Variants in SLC4A4 observed in about 807,000 individuals in gnomAD.
The protein encoded by SLC4A4 is solute carrier family 4 member 4.
SLC4A4 carries 27 observed loss-of-function variants against 111.5 expected under a neutral mutation model. The observed-to-expected ratio is 0.24, with a 90% CI of 0.18 to 0.33. SLC4A4 has a LOEUF of 0.33. SLC4A4 is among the 10% of genes least tolerant of loss of function. The pLI is 1.00. For missense variants in SLC4A4, 909 were observed against 1,315.5 expected (o/e 0.69, Z 4.78); for synonymous variants, 443 against 463.4 (o/e 0.96, Z 0.57).
chr4:71,547,822 C>A, intron 20 of SLC4A4, 102 bp downstream of exon 20: 2 of 1,002,472 alleles, frequency 2.0e-6, no homozygotes, highest in Non-Finnish European at 3.2e-6. Flanking sequence ...AGATTCTCAT[C>A]AGTTCTGTAA....
At chr4:71,142,332 G>A (rs746518382) in intron 2 of SLC4A4, among the ~76,000 whole-genome samples, 4 of 152,152 alleles carry the variant, frequency 2.6e-5, no homozygotes, top group Non-Finnish European at 4.4e-5. Flanking sequence ...AGAGTGGGAA[G>A]CAATGCAGCT....
intron 8 of SLC4A4, among the ~76,000 whole-genome samples, chr4:71,443,116 CTATATATATATATATA>C (rs1168996571): frequency 4.6e-5 from 3 of 65,658 alleles, no homozygotes; most frequent in African/African-American, 2.6e-4. Context: ...CTCTCTCTCT[CTATATATATATATATA>C]TATATATATA....
At chr4:71,369,809 G>C (rs1731686741) in intron 6 of SLC4A4, among the ~76,000 whole-genome samples, 1 of 152,130 alleles carries the variant, frequency 6.6e-6, no homozygotes. Context: ...TTTTAAAGTA[G>C]AGTATTAAGA....
chr4:71,148,417 G>A (rs1744235075), intron 2 of SLC4A4, among the ~76,000 whole-genome samples: 1 of 152,086 alleles, frequency 6.6e-6, no homozygotes, highest in South Asian at 2.1e-4. Context: ...TAACTTTTAA[G>A]TTGGGGTACA....
chr4:71,232,058 G>T (rs1049427799), intron 1 of SLC4A4, among the ~76,000 whole-genome samples: 2 of 152,170 alleles, frequency 1.3e-5, no homozygotes, highest in Non-Finnish European at 2.9e-5. Flanking sequence ...AGGAGTGAGG[G>T]CTGCTCTGGA....
At chr4:71,336,782 C>T (rs1728465564) in intron 3 of SLC4A4, among the ~76,000 whole-genome samples, 1 of 152,230 alleles carries the variant, frequency 6.6e-6, no homozygotes, top group Non-Finnish European at 1.5e-5. Context: ...AATTCACCTT[C>T]ACTAAGTTCC....
chr4:71,236,349 TGG>T lies in SLC4A4; in HGVS notation c.-1-225_-1-224del, dbSNP rs561690532. 2.1e-4 allele frequency: 195 copies of T among 928,346 alleles called. 2 individuals carry two copies. The Admixed American group carries it at 5.6e-3, about 27-fold the overall frequency. 57.5% of individuals were successfully genotyped at this position (928,346 alleles called of 1,614,324 possible). A position where few individuals can be genotyped will look rare whatever the true frequency, so the allele number is the denominator to read the frequency against. ...GATTATTTTCTCTTACCTGTCTATG[TGG>T]GTGCCCTCTCAAGGTTAGAACTGAA... is the stretch of plus-strand genomic sequence containing the variant. On this transcript the variant is annotated intron_variant, in intron 1 of 25. Coordinates refer to ENST00000264485, the MANE Select transcript of SLC4A4 (RefSeq NM_001098484.3).
At chr4:71,437,192 T>C in intron 7 of SLC4A4, 1 of 422,060 alleles carries the variant, frequency 2.4e-6, no homozygotes, top group South Asian at 2.0e-5. Context: ...ACAGGAATAC[T>C]TGAGTCCCTA....
At chr4:71,122,262 G>A (rs1400538330) in intron 2 of SLC4A4, among the ~76,000 whole-genome samples, 3 of 146,118 alleles carry the variant, frequency 2.1e-5, no homozygotes, top group Non-Finnish European at 4.4e-5. Context: ...GCAGTGAGCC[G>A]AGATCACGCC....
chr4:71,088,724 A>C (rs1291396809), intron 1 of SLC4A4, among the ~76,000 whole-genome samples: 2 of 152,024 alleles, frequency 1.3e-5, no homozygotes, highest in Admixed American at 6.6e-5. Context: ...AGAATGTTGA[A>C]TATTGGCCCC....
chr4:71,530,458 G>A (rs550384529), intron 16 of SLC4A4, among the ~76,000 whole-genome samples: 1 of 152,168 alleles, frequency 6.6e-6, no homozygotes, highest in Admixed American at 6.6e-5. Flanking sequence ...TCCAATAGTG[G>A]TTGTGCTCCC....
chr4:71,322,126 A>T (rs1727161827), intron 3 of SLC4A4, among the ~76,000 whole-genome samples: 3 of 151,990 alleles, frequency 2.0e-5, no homozygotes, highest in Admixed American at 6.6e-5. Flanking sequence ...GCGTTAATAC[A>T]TCTGTGGGGA....
intron 2 of SLC4A4, among the ~76,000 whole-genome samples, chr4:71,241,189 G>C (rs1720189433): frequency 6.6e-6 from 1 of 152,080 alleles, no homozygotes; most frequent in East Asian, 1.9e-4. Flanking sequence ...CTAATGAAAT[G>C]ATATAGCCTC....
At chr4:71,483,567 C>T (rs140654923) in intron 14 of SLC4A4, among the ~76,000 whole-genome samples, 1 of 152,088 alleles carries the variant, frequency 6.6e-6, no homozygotes, top group Non-Finnish European at 1.5e-5. Context: ...TTTATCCAGC[C>T]TATCATTGAT....
rs1728026282 is a variant in SLC4A4, at chr4:71,331,866, A to G, written c.254-7504A>G. ...GGCTTTAATCTAATTACTTGTTGTTAGTCTATTCAGGTTTTGAGTCTTTTC... is the reference window on the plus strand; with the variant it reads ...GGCTTTAATCTAATTACTTGTTGTTGGTCTATTCAGGTTTTGAGTCTTTTC... On this transcript the variant is annotated intron_variant, in intron 3 of 25. Transcript: ENST00000264485. Among the ~76,000 whole-genome samples, 6 of 151,974 alleles carry G rather than the reference A, an allele frequency of 3.9e-5. No individual in the cohort carries two copies. In the South Asian group the frequency reaches 1.2e-3, roughly 31 times the overall value.
At chr4:71,159,332 C>G (rs1004678911) in intron 2 of SLC4A4, among the ~76,000 whole-genome samples, 2 of 152,066 alleles carry the variant, frequency 1.3e-5, no homozygotes, top group East Asian at 3.8e-4. Flanking sequence ...TTCTATCTCT[C>G]TCTTTCTCTT....
chr4:71,193,252 C>G (rs1156792810), intron 1 of SLC4A4, among the ~76,000 whole-genome samples: 1 of 152,196 alleles, frequency 6.6e-6, no homozygotes, highest in Admixed American at 6.5e-5. Context: ...CTCCGCCTCC[C>G]AGGTTCACGC....
intron 2 of SLC4A4, among the ~76,000 whole-genome samples, chr4:71,243,947 A>T (rs3907208): frequency 0.68 from 102,994 of 151,948 alleles, 39,304 homozygotes; most frequent in Non-Finnish European, 0.86. Flanking sequence ...CAGGCCAAAA[A>T]CTTCCGGGAA....
intron 3 of SLC4A4, among the ~76,000 whole-genome samples, chr4:71,306,574 T>A (rs1184754687): frequency 3.3e-5 from 5 of 151,496 alleles, no homozygotes; most frequent in African/African-American, 1.2e-4. Flanking sequence ...AGAGTGAGAC[T>A]CCGTCTCAAA....
Sources: allele counts gnomAD v4.1 joint callset (sites outside exome capture counted in the v4.1 genomes callset), GRCh38; gene constraint gnomAD v4.1.1; transcripts MANE v1.5; gene names NCBI Gene and HGNC (gene_info 2026-07-23, HGNC 2026-07-21).